The following CHD1L variants were observed in gnomAD, a reference collection of about 807,000 sequenced individuals.
CHD1L encodes the protein chromodomain helicase DNA binding protein 1 like, also known as ATP-dependent chromatin remodeler CHD1L.
In CHD1L, 118 loss-of-function variants were observed where a neutral mutation model predicts 115.9. That is an observed-to-expected ratio of 1.02 (90% CI 0.88 to 1.19). The LOEUF (loss-of-function observed/expected upper bound fraction) is 1.19, where lower values mean the gene tolerates loss of function less well. Among genes scored for constraint, CHD1L ranks in the 50% most tolerant of loss-of-function variants. CHD1L has a pLI of 0.00. For missense variants in CHD1L, 1,179 were observed against 1,065.3 expected, an observed-to-expected ratio of 1.11 and a Z score of -1.49; for synonymous variants, 411 against 387.1, an observed-to-expected ratio of 1.06 and a Z score of -0.72.
rs1553973012 is a variant in CHD1L, at chr1:147,293,634, T to C, written c.2418T>C (p.Arg806=). 6.2e-7 allele frequency: 1 copy of C among 1,614,124 alleles called. No individual in the cohort carries two copies. ...DLLALIVAQH[R]DRSNVLSGIK... The stretch of plus-strand genomic sequence containing the variant: ...TGGCCTTGATTGTGGCTCAGCATCG[T>C]GATCGTTCCAATGTCCTGTCTGGCA... Residue 806 remains arginine (R), a synonymous_variant, in exon 21 of 23, where the codon CGT becomes CGC. Transcript: ENST00000369258.
chr1:147,211,469 C>T, the CHD1L span: 1 of 152,034 alleles, frequency 6.6e-6, no homozygotes, highest in Non-Finnish European at 1.5e-5. Flanking sequence ...ATGAGGATAG[C>T]AATGAGAAGA....
chr1:147,291,106 G>A (rs1241932492), intron 19 of CHD1L, among the ~76,000 whole-genome samples: 2 of 152,074 alleles, frequency 1.3e-5, no homozygotes, highest in Non-Finnish European at 2.9e-5. Context: ...ATACAAACAG[G>A]TAGAGATAAA....
chr1:147,266,756 T>TA (rs1325489912), intron 8 of CHD1L, among the ~76,000 whole-genome samples: 1 of 152,230 alleles, frequency 6.6e-6, no homozygotes, highest in African/African-American at 2.4e-5. Flanking sequence ...CAAAAAAGGT[T>TA]AAAGTTCTCA....
intron 10 of CHD1L, among the ~76,000 whole-genome samples, chr1:147,270,516 C>CT (rs1165778489): frequency 0.016 from 72 of 4,388 alleles, 1 homozygote; most frequent in Admixed American, 0.11. Context: ...TCCAGTTTTT[C>CT]TTTTCTTTTT....
At chr1:147,293,202 A>G (rs969843455) in intron 20 of CHD1L, among the ~76,000 whole-genome samples, 7 of 152,072 alleles carry the variant, frequency 4.6e-5, no homozygotes, top group South Asian at 2.1e-4. Flanking sequence ...TCGAACAGAG[A>G]TGGAATGACT....
chr1:147,267,840 A>G (rs1285180018), intron 9 of CHD1L, among the ~76,000 whole-genome samples: 2 of 152,060 alleles, frequency 1.3e-5, no homozygotes, highest in Non-Finnish European at 2.9e-5. Context: ...CTTTCATTAC[A>G]TGAAGAGTCA....
At chr1:147,287,767 G>A (rs1683805138) in intron 19 of CHD1L, 34 bp downstream of exon 19, 2 of 1,575,320 alleles carry the variant, frequency 1.3e-6, no homozygotes, top group African/African-American at 1.4e-5. Context: ...GGTTAAGGGT[G>A]GAATAAGAGA....
chr1:147,187,022 G>A, the CHD1L span: 81 of 1,613,978 alleles, frequency 5.0e-5, no homozygotes, highest in African/African-American at 6.7e-5. Context: ...TTCCTGATGC[G>A]ATCATCTGTG....
In CHD1L at chr1:147,254,946, T is replaced by G; in HGVS notation, c.317T>G (p.Val106Gly). The change falls in exon 3 of 23, where the codon GTT (valine) becomes GGT (glycine). Residue 106 changes from valine to glycine, a missense_variant. Physicochemically the swap from Val to Gly is moderately radical, Grantham distance 109 (BLOSUM62 -3). Coordinates refer to ENST00000369258, the MANE Select transcript of CHD1L (RefSeq NM_004284.6). ...GPFLILCPLS[V>G]LSNWKEEMQR... is the part of the protein sequence containing the mutation. ...TTTCTGATTCTTTGTCCCTTGTCTG[T>G]TTTGAGCAACTGGAAAGAAGAAATG... 1 of 1,606,972 alleles carries G rather than the reference T, an allele frequency of 6.2e-7. No individual in the cohort carries two copies. The highest frequency in any genetic ancestry group is 8.5e-7 in the Non-Finnish European group (1 of 1,177,372).
upstream of CHD1L, among the ~76,000 whole-genome samples, chr1:147,242,373 G>A (rs1236488892): frequency 1.3e-5 from 2 of 152,224 alleles, no homozygotes; most frequent in African/African-American, 4.8e-5. Flanking sequence ...GATAGTCGAT[G>A]TTGATTAAAT....
intron 1 of CHD1L, 28 bp downstream of exon 1, chr1:147,242,858 C>T (rs894762927): frequency 7.9e-7 from 1 of 1,265,680 alleles, no homozygotes; most frequent in Non-Finnish European, 1.0e-6. Context: ...GGACTTCGGC[C>T]AGGCGGGCCA....
intron 5 of CHD1L, among the ~76,000 whole-genome samples, chr1:147,257,711 G>A (rs587704607): frequency 2.6e-5 from 4 of 152,206 alleles, no homozygotes; most frequent in South Asian, 2.1e-4. Context: ...AAAACCCCAC[G>A]AGGCAGCTAT....
chr1:147,224,155 G>A, the CHD1L span: 49,561 of 293,250 alleles, frequency 0.17, 5,878 homozygotes, highest in East Asian at 0.58. Flanking sequence ...CCTGCACGAC[G>A]TTGCCTTCAC....
At chr1:147,241,103 T>C (rs1221619664), upstream of CHD1L, among the ~76,000 whole-genome samples, 1 of 152,110 alleles carries the variant, frequency 6.6e-6, no homozygotes, top group Non-Finnish European at 1.5e-5. Flanking sequence ...TCTCCTCCTT[T>C]TAAAATGTAA....
In CHD1L at chr1:147,264,484, C is replaced by T; in HGVS notation, c.639C>T (p.Leu213=). 6.2e-7 allele frequency: 1 copy of T among 1,614,014 alleles called. No individual in the cohort carries two copies. Among genetic ancestry groups the T allele is most frequent in the Non-Finnish European group, 8.5e-7 (1 of 1,179,944 alleles). The change falls in exon 7 of 23, where the codon CTC becomes CTT. Residue 213 remains leucine, a synonymous_variant. Coordinates refer to ENST00000369258, the MANE Select transcript of CHD1L (RefSeq NM_004284.6). ...CCATCCAGAACAGCCTCCAAGAGCT[C>T]TACTCCCTCCTCAGTTTTGTGGAGC... ...GTPIQNSLQE[L]YSLLSFVEPD...
the CHD1L span, among the ~76,000 whole-genome samples, chr1:147,179,961 A>AAAAGAAAAGTGGT: frequency 6.6e-6 from 1 of 151,996 alleles, no homozygotes; most frequent in South Asian, 2.1e-4. Flanking sequence ...TAAAAAAAAA[A>AAAAGAAAAGTGGT]AAAATAGGAA....
chr1:147,178,815 G>A, the CHD1L span: 1 of 1,604,784 alleles, frequency 6.2e-7, no homozygotes, highest in South Asian at 1.1e-5. Context: ...AAATTAAAAA[G>A]TTTATCCAGG....
At chr1:147,235,343 C>G in the CHD1L span, among the ~76,000 whole-genome samples, 1 of 152,094 alleles carries the variant, frequency 6.6e-6, no homozygotes, top group African/African-American at 2.4e-5. Flanking sequence ...CTTCGTAATA[C>G]CTTGGACATT....
At chr1:147,224,068 C>T in the CHD1L span, 1 of 374,308 alleles carries the variant, frequency 2.7e-6, no homozygotes, top group Non-Finnish European at 5.2e-6. Context: ...TCCTGCCTGC[C>T]CTGTGTCCCA....
Sources: gnomAD v4.1 joint callset for allele counts (sites outside exome capture counted in the v4.1 genomes callset) on GRCh38, gnomAD v4.1.1 for gene constraint, MANE v1.5 for transcripts, NCBI Gene and HGNC (gene_info 2026-07-23, HGNC 2026-07-21) for gene names.